The following RGS7 variants were observed in gnomAD, a reference collection of about 807,000 sequenced individuals.
RGS7 encodes regulator of G-protein signaling 7.
In RGS7, 27 loss-of-function variants were observed where a neutral mutation model predicts 81.1. The ratio of observed to expected loss-of-function variants is 0.33; its 90% CI spans 0.25 to 0.46. The LOEUF (loss-of-function observed/expected upper bound fraction) is 0.46, where lower values mean the gene tolerates loss of function less well. RGS7 is among the 20% of genes least tolerant of loss of function. RGS7 has a pLI of 1.00. For synonymous variants in RGS7, 208 were observed against 207.7 expected, an observed-to-expected ratio of 1.00 and a Z score of -0.01; for missense variants, 396 against 607.4, an observed-to-expected ratio of 0.65 and a Z score of 3.66.
Position 241,098,683 on chromosome 1 carries a change from A to T in RGS7, c.158T>A (p.Ile53Lys). Reference sequence around the variant, plus strand: ...AGACTTACCAGAGAAGACGCTAGGTATCTTGGAAAGAAAGCTTTTGACCGT... The same window carrying T: ...AGACTTACCAGAGAAGACGCTAGGTTTCTTGGAAAGAAAGCTTTTGACCGT... ...IRTVKSFLSK[I>K]PSVFSGSDIV... Residue 53 changes from isoleucine (I) to lysine (K), a missense_variant, in exon 3 of 19, where the codon ATA (isoleucine) becomes AAA (lysine). By Grantham distance (102) the Ile-to-Lys change is moderately radical (BLOSUM62 -3). Transcript: ENST00000440928. 6.2e-7 allele frequency: 1 copy of T among 1,612,824 alleles called. No homozygotes were observed. Among genetic ancestry groups the T allele is most frequent in the South Asian group, 1.1e-5 (1 of 91,048 alleles).
chr1:241,233,800 GTT>G (rs148344377), intron 2 of RGS7, among the ~76,000 whole-genome samples: 2,701 of 143,264 alleles, frequency 0.019, 49 homozygotes, highest in African/African-American at 0.049. Flanking sequence ...TTTTAGTTTA[GTT>G]TTTTTTTTTT....
chr1:241,350,741 CAAAAAAAAAAAAAA>C (rs71172699), intron 2 of RGS7, among the ~76,000 whole-genome samples: 2 of 88,560 alleles, frequency 2.3e-5, no homozygotes, highest in African/African-American at 8.5e-5. Context: ...GACCCCATCT[CAAAAAAAAAAAAAA>C]AAAAAAAAAA....
intron 3 of RGS7, 36 bp downstream of exon 3, chr1:241,098,630 C>T: frequency 7.4e-7 from 1 of 1,356,658 alleles, no homozygotes; most frequent in Non-Finnish European, 1.1e-6. Flanking sequence ...CTAAGAGGTA[C>T]AGGAGAAAAC....
intron 3 of RGS7, among the ~76,000 whole-genome samples, chr1:241,022,332 T>G (rs1194972786): frequency 6.6e-6 from 1 of 152,202 alleles, no homozygotes; most frequent in African/African-American, 2.4e-5. Context: ...GTTTAGAGTT[T>G]AACTTTGAAA....
rs369155474 is a variant in RGS7, at chr1:240,955,551, C to CAAAAAAA, written c.227-18852_227-18846dup. Among the ~76,000 whole-genome samples the CAAAAAAA allele has an allele frequency of 3.6e-4, 51 of 140,286 alleles. 3 individuals carry two copies. The highest frequency in any genetic ancestry group is 1.3e-3 in the African/African-American group (49 of 36,822). The allele number at this position is 140,286 out of a possible 152,430, so 92.0% of individuals were successfully genotyped here. A position where few individuals can be genotyped will look rare whatever the true frequency, so the allele number is the denominator to read the frequency against. On this transcript the variant is annotated intron_variant, in intron 4 of 18. Transcript: ENST00000440928. ...TGGGCGGCAGAGCAAGACTCTGTCT[C>CAAAAAAA]AAAAAAAAAAAAAAAAAAAAAAAAA...
At chr1:241,001,476 G>A (rs887786034) in intron 3 of RGS7, among the ~76,000 whole-genome samples, 17 of 152,156 alleles carry the variant, frequency 1.1e-4, no homozygotes, top group Non-Finnish European at 2.2e-4. Flanking sequence ...AAAACAAATG[G>A]CTGATAAATA....
intron 6 of RGS7, chr1:240,920,304 G>A: frequency 1.4e-6 from 2 of 1,408,738 alleles, no homozygotes; most frequent in East Asian, 2.3e-5. Context: ...CTTTGGTCGT[G>A]GAGGAAACTT....
At chr1:241,145,842 T>C (rs1216756667) in intron 2 of RGS7, among the ~76,000 whole-genome samples, 1 of 152,188 alleles carries the variant, frequency 6.6e-6, no homozygotes, top group Non-Finnish European at 1.5e-5. Flanking sequence ...GTTCTGATGG[T>C]GATGTTTAGA....
At position 241,246,339 on chromosome 1, in the gene RGS7, C is replaced by T. The variant is rs141859542; in HGVS notation, c.78+109360G>A. Among the ~76,000 whole-genome samples, 262 of 152,086 alleles carry T rather than the reference C, an allele frequency of 1.7e-3. 2 individuals are homozygous for T. The highest frequency in any genetic ancestry group is 5.9e-3 in the African/African-American group (246 of 41,494). On this transcript the variant is annotated intron_variant, in intron 2 of 18. Transcript: ENST00000440928. ...TCTTTTTCCACTTGTCATATATATA[C>T]CAATGCTTCACTACTAAGGTAGTGA... is the stretch of plus-strand genomic sequence containing the variant.
At chr1:241,169,336 C>CTTTTTTTTTTT (rs57753661) in intron 2 of RGS7, among the ~76,000 whole-genome samples, 1 of 74,274 alleles carries the variant, frequency 1.3e-5, no homozygotes, top group Non-Finnish European at 2.4e-5. Flanking sequence ...ATGTGTGTTT[C>CTTTTTTTTTTT]TTTTTTTTTT....
intron 6 of RGS7, among the ~76,000 whole-genome samples, chr1:240,905,488 T>A (rs1474118696): frequency 6.6e-6 from 1 of 152,118 alleles, no homozygotes; most frequent in Non-Finnish European, 1.5e-5. Flanking sequence ...CAGATTCCAT[T>A]TTGCACCCAA....
chr1:241,033,858 T>C (rs2060204160), intron 3 of RGS7, among the ~76,000 whole-genome samples: 1 of 152,032 alleles, frequency 6.6e-6, no homozygotes, highest in Non-Finnish European at 1.5e-5. Flanking sequence ...AAGTTTACTG[T>C]CGAATATACT....
At chr1:241,223,064 T>C (rs1201538795) in intron 2 of RGS7, among the ~76,000 whole-genome samples, 1 of 152,190 alleles carries the variant, frequency 6.6e-6, no homozygotes, top group Non-Finnish European at 1.5e-5. Flanking sequence ...CAGTCTATTA[T>C]TGATGGACAT....
At chr1:241,010,626 G>T (rs530478933) in intron 3 of RGS7, among the ~76,000 whole-genome samples, 39 of 152,320 alleles carry the variant, frequency 2.6e-4, no homozygotes, top group African/African-American at 7.7e-4. Context: ...AAAGTCCATA[G>T]ATCAAAAGCA....
At chr1:241,200,391 G>A (rs779437747) in intron 2 of RGS7, among the ~76,000 whole-genome samples, 53 of 151,928 alleles carry the variant, frequency 3.5e-4, no homozygotes, top group Non-Finnish European at 6.5e-4. Context: ...AACTAAACAC[G>A]TCCATGTAAC....
Position 241,144,431 on chromosome 1 carries a change from A to G in RGS7, c.79-45669T>C, listed in dbSNP as rs2068147657. Among the ~76,000 whole-genome samples the G allele has an allele frequency of 6.6e-6, 1 of 152,126 alleles. No individual in the cohort carries two copies. Among genetic ancestry groups the G allele is most frequent in the Non-Finnish European group, 1.5e-5 (1 of 68,036 alleles). ...TGTTGGGCCAAAAACCTGATCCATT[A>G]TTACTTACTGCGGTTCACGGAAGCA... On this transcript the variant is annotated intron_variant, in intron 2 of 18. Coordinates refer to ENST00000440928, the MANE Select transcript of RGS7 (RefSeq NM_001364886.1). This position sits in a 1 kb window ranked among gnomAD's most constrained non-coding sequence, Gnocchi z 4.7.
chr1:240,820,608 G>A (rs1209369505), intron 10 of RGS7, among the ~76,000 whole-genome samples: 1 of 152,098 alleles, frequency 6.6e-6, no homozygotes, highest in Non-Finnish European at 1.5e-5. Flanking sequence ...TGAAGCCCTT[G>A]TGAATGGGAT....
intron 3 of RGS7, among the ~76,000 whole-genome samples, chr1:241,063,897 A>G (rs2061886082): frequency 6.6e-6 from 1 of 152,170 alleles, no homozygotes; most frequent in African/African-American, 2.4e-5. Context: ...AAGGAAATCA[A>G]ATAAAGCCGG....
At chr1:241,283,437 T>C (rs2078630627) in intron 2 of RGS7, among the ~76,000 whole-genome samples, 1 of 152,190 alleles carries the variant, frequency 6.6e-6, no homozygotes, top group African/African-American at 2.4e-5. Flanking sequence ...TTGTCAATTC[T>C]TTTCTTTTAG....
Sources: gnomAD v4.1 joint callset for allele counts (sites outside exome capture counted in the v4.1 genomes callset) on GRCh38, gnomAD v4.1.1 for gene constraint, Gnocchi (gnomAD v3.1) non-coding constraint, MANE v1.5 for transcripts, NCBI Gene and HGNC (gene_info 2026-07-23, HGNC 2026-07-21) for gene names.